The following FNDC9 variants were observed in gnomAD, a reference collection of about 807,000 sequenced individuals.
FNDC9 encodes fibronectin type III domain containing 9, also known as fibronectin type III domain-containing protein 9.
A neutral mutation model predicts 9.0 loss-of-function variants in FNDC9; 3 were observed. The observed-to-expected ratio is 0.33, with a 90% confidence interval of 0.15 to 0.86. The LOEUF is 0.86. Ranked by LOEUF, FNDC9 falls within the 40% of genes least tolerant of loss-of-function variation. The pLI is 0.53. For synonymous variants in FNDC9, 114 were observed against 115.6 expected, an observed-to-expected ratio of 0.99 and a Z score of 0.09; for missense variants, 279 against 287.2, an observed-to-expected ratio of 0.97 and a Z score of 0.21.
rs746587472 is a variant in FNDC9 at position 157,342,895 on chromosome 5, G to A, written c.642C>T (p.Asp214=). 1.2e-6 allele frequency: 2 copies of A among 1,613,734 alleles called. No individual in the cohort carries two copies. Among genetic ancestry groups the A allele is most frequent in the African/African-American group, 2.7e-5 (2 of 74,916 alleles). ...CACAATGAGGCAGTATAGCGGGTGG[G>A]TCACCACCCCCCCTCTGTAAGGCAC... is the stretch of plus-strand genomic sequence containing the variant. ...DAGALQRGGG[D]PPAILPHCGE The change falls in exon 2 of 2, where the codon GAC becomes GAT. Residue 214 remains aspartate (D), a synonymous_variant. Coordinates refer to ENST00000312349, the MANE Select transcript of FNDC9 (RefSeq NM_001001343.4).
intron 1 of FNDC9, among the ~76,000 whole-genome samples, chr5:157,343,964 C>T (rs763797719): frequency 1.3e-5 from 2 of 152,220 alleles, no homozygotes; most frequent in African/African-American, 2.4e-5. Context: ...TGATTCACCT[C>T]AATTTTCCTT....
rs758299441 is a variant in FNDC9, at chr5:157,343,073, GCCT to G, written c.461_463del (p.Glu154del). ...CTCTGGCCATCTCACCAACCCATTGGCCTCCTCCATGTGGCCAGCCCTGTAAGA... is the reference window on the plus strand; with the variant it reads ...CTCTGGCCATCTCACCAACCCATTGGCCTCCATGTGGCCAGCCCTGTAAGA... On this transcript the variant is annotated inframe_deletion, in exon 2 of 2. Transcript: ENST00000312349. 178 of 1,614,152 alleles carry G rather than the reference GCCT, an allele frequency of 1.1e-4. No homozygotes were observed. Among genetic ancestry groups the G allele is most frequent in the Non-Finnish European group, 1.4e-4 (169 of 1,180,012 alleles).
At position 157,343,500 on chromosome 5, in the gene FNDC9, C is replaced by A; in HGVS notation, c.37G>T (p.Ala13Ser). The change falls in exon 2 of 2, where the codon GCC becomes TCC. Residue 13 changes from alanine to serine, a missense_variant. Ala to Ser is a moderately conservative substitution (Grantham distance 99, BLOSUM62 1). Transcript: ENST00000312349. ...IEVGNISYTG[A>S]IISWSSSEPC... is the part of the protein sequence containing the mutation. ...TCCGAGGACGACCAGGAGATGATGGCTCCTGTATAAGAAATGTTCCCCACC... is the reference window on the plus strand; with the variant it reads ...TCCGAGGACGACCAGGAGATGATGGATCCTGTATAAGAAATGTTCCCCACC... The A allele has an allele frequency of 6.3e-7, 1 of 1,591,400 alleles. No homozygotes were observed.
chr5:157,342,558 T>G lies in FNDC9; in HGVS notation c.*304A>C. ...TGTGTTTTATTTGTCATGCAAATTT[T>G]TGCTTTCTACTTTATAACATATCCA... On this transcript the variant is annotated 3_prime_UTR_variant, in exon 2 of 2. Transcript: ENST00000312349. 1 of 273,066 alleles carries G rather than the reference T, an allele frequency of 3.7e-6. No homozygotes were observed. The highest frequency in any genetic ancestry group is 6.9e-6 in the Non-Finnish European group (1 of 144,940). 16.9% of individuals were successfully genotyped at this position (273,066 alleles called of 1,614,324 possible). A position where few individuals can be genotyped will look rare whatever the true frequency, so the allele number is the denominator to read the frequency against.
Position 157,343,499 on chromosome 5 carries a change from G to T in FNDC9, c.38C>A (p.Ala13Asp). 1 of 1,591,898 alleles carries T rather than the reference G, an allele frequency of 6.3e-7. No homozygotes were observed. Among genetic ancestry groups the T allele is most frequent in the Non-Finnish European group, 8.6e-7 (1 of 1,165,184 alleles). Residue 13 changes from alanine to aspartate, a missense_variant, in exon 2 of 2, where the codon GCC becomes GAC. Transcript: ENST00000312349. Reference sequence around the variant, plus strand: ...CTCCGAGGACGACCAGGAGATGATGGCTCCTGTATAAGAAATGTTCCCCAC... The same window carrying T: ...CTCCGAGGACGACCAGGAGATGATGTCTCCTGTATAAGAAATGTTCCCCAC... ...IEVGNISYTG[A>D]IISWSSSEPC...
Position 157,343,546 on chromosome 5 carries a change from G to A in FNDC9, c.-7-3C>T, listed in dbSNP as rs1320969390. The A allele has an allele frequency of 1.3e-6, 2 of 1,540,160 alleles. No homozygotes were observed. Among genetic ancestry groups the A allele is most frequent in the Non-Finnish European group, 1.8e-6 (2 of 1,140,638 alleles). On this transcript the variant is annotated splice_region_variant and splice_polypyrimidine_tract_variant and intron_variant, in intron 1 of 1. Coordinates refer to ENST00000312349, the MANE Select transcript of FNDC9 (RefSeq NM_001001343.4). ...CCACCTCGATGTTCATCCCGATTCT[G>A]GAACCAGAATCAAAGTGAAGAGTGA...
In FNDC9 at chr5:157,342,949, G is replaced by A. The variant is rs747827790; in HGVS notation, c.588C>T (p.Pro196=). 47 of 1,614,174 alleles carry A rather than the reference G, an allele frequency of 2.9e-5. 1 individual carries two copies. The highest frequency in any genetic ancestry group is 7.7e-5 in the South Asian group (7 of 91,080). The change falls in exon 2 of 2, where the codon CCC becomes CCT. Residue 196 remains proline (P), a synonymous_variant. Transcript: ENST00000312349. ...CATCAGGGGCATCCTGGTTGGCTTC[G>A]GGATCCAGTTCAGCTCCATCTCTGG... ...KNSRDGAELD[P]EANQDAPDAG...
In FNDC9 at chr5:157,343,130, C is replaced by T; in HGVS notation, c.407G>A (p.Trp136Ter). 1 of 1,614,186 alleles carries T rather than the reference C, an allele frequency of 6.2e-7. No homozygotes were observed. Residue 136 changes from tryptophan (W) to a stop codon, truncating the protein, a stop_gained, in exon 2 of 2, where the codon TGG becomes TAG. Coordinates refer to ENST00000312349, the MANE Select transcript of FNDC9 (RefSeq NM_001001343.4). LOFTEE classifies it low-confidence loss of function (END_TRUNC). Reference protein sequence around the residue: ...AVLAFICLQFWCVRCHEPRWS... With the variant: ...AVLAFICLQF Reference sequence around the variant, plus strand: ...TCGCGGCTCATGGCAACGGACACACCAGAACTGGAGGCAGATGAAGGCCAA... The same window carrying T: ...TCGCGGCTCATGGCAACGGACACACTAGAACTGGAGGCAGATGAAGGCCAA...
rs371405554 is a variant in FNDC9, at chr5:157,343,550, C to G, written c.-7-7G>C. 1.4e-5 allele frequency: 21 copies of G among 1,537,840 alleles called. No individual in the cohort carries two copies. The African/African-American group carries it at 2.3e-4, about 17-fold the overall frequency. On this transcript the variant is annotated splice_region_variant and splice_polypyrimidine_tract_variant and intron_variant, in intron 1 of 1. Coordinates refer to ENST00000312349, the MANE Select transcript of FNDC9 (RefSeq NM_001001343.4). ...CTCGATGTTCATCCCGATTCTGGAA[C>G]CAGAATCAAAGTGAAGAGTGACATC... is the stretch of plus-strand genomic sequence containing the variant.
chr5:157,342,927 C>T lies in FNDC9; in HGVS notation c.610G>A (p.Asp204Asn). The T allele has an allele frequency of 6.2e-7, 1 of 1,614,232 alleles. No individual in the cohort carries two copies. Among genetic ancestry groups the T allele is most frequent in the Non-Finnish European group, 8.5e-7 (1 of 1,180,034 alleles). Residue 204 changes from aspartate to asparagine, a missense_variant, in exon 2 of 2, where the codon GAT becomes AAT. Physicochemically the swap from Asp to Asn is conservative, Grantham distance 23. Transcript: ENST00000312349. ...CCCCCCCTCTGTAAGGCACCCGCAT[C>T]AGGGGCATCCTGGTTGGCTTCGGGA... is the stretch of plus-strand genomic sequence containing the variant. Reference protein sequence around the residue: ...LDPEANQDAPDAGALQRGGGD... With the variant: ...LDPEANQDAPNAGALQRGGGD...
In FNDC9 at chr5:157,342,669, C is replaced by T. The variant is rs1241962938; in HGVS notation, c.*193G>A. The T allele has an allele frequency of 5.5e-6, 3 of 543,106 alleles. No individual in the cohort carries two copies. The highest frequency in any genetic ancestry group is 9.5e-6 in the Non-Finnish European group (3 of 315,164). The allele number at this position is 543,106 out of a possible 1,614,324, so 33.6% of individuals were successfully genotyped here. On this transcript the variant is annotated 3_prime_UTR_variant, in exon 2 of 2. Coordinates refer to ENST00000312349, the MANE Select transcript of FNDC9 (RefSeq NM_001001343.4). The stretch of plus-strand genomic sequence containing the variant: ...TGCTGCTGAGATGCCTCGTTTGTGC[C>T]TTGGCATACCCTGGGGGATACATTT...
In FNDC9 at chr5:157,343,232, G is replaced by A. The variant is rs1762421369; in HGVS notation, c.305C>T (p.Pro102Leu). 1 of 1,614,114 alleles carries A rather than the reference G, an allele frequency of 6.2e-7. No individual in the cohort carries two copies. Among genetic ancestry groups the A allele is most frequent in the African/African-American group, 1.3e-5 (1 of 74,944 alleles). The change falls in exon 2 of 2, where the codon CCT becomes CTT. Residue 102 changes from proline to leucine, a missense_variant. Transcript: ENST00000312349. Reference sequence around the variant, plus strand: ...CTGGGGGTCTACCAGGGAGCTTCCAGGAGCCAGCGGACTCTTATCCAGGGT... The same window carrying A: ...CTGGGGGTCTACCAGGGAGCTTCCAAGAGCCAGCGGACTCTTATCCAGGGT... ...FHTLDKSPLA[P>L]GSSLVDPQIS...
rs10037485 is a variant in FNDC9, at chr5:157,343,125, C to T, written c.412G>A (p.Val138Ile). ...GACCATCGCGGCTCATGGCAACGGA[C>T]ACACCAGAACTGGAGGCAGATGAAG... ...LAFICLQFWC[V>I]RCHEPRWSYR... Residue 138 changes from valine to isoleucine, a missense_variant, in exon 2 of 2, where the codon GTC becomes ATC. Transcript: ENST00000312349. 0.21 allele frequency: 335,065 copies of T among 1,614,014 alleles called. 37,797 individuals carry two copies. Among genetic ancestry groups the T allele is most frequent in the African/African-American group, 0.36 (26,752 of 74,958 alleles).
In FNDC9 at chr5:157,342,745, A is replaced by G. The variant is rs1449979566; in HGVS notation, c.*117T>C. 6.7e-6 allele frequency: 7 copies of G among 1,048,006 alleles called. No homozygotes were observed. The highest frequency in any genetic ancestry group is 1.6e-5 in the African/African-American group (1 of 62,222). The allele number at this position is 1,048,006 out of a possible 1,614,324, so 64.9% of individuals were successfully genotyped here. A position where few individuals can be genotyped will look rare whatever the true frequency, so the allele number is the denominator to read the frequency against. On this transcript the variant is annotated 3_prime_UTR_variant, in exon 2 of 2. Transcript: ENST00000312349. ...GGCATTCATCCAACCCAGGTGACCT[A>G]CAATAGCAGTGACGTTTGATGGGAG...
Position 157,342,140 on chromosome 5 carries a change from T to C in FNDC9, c.*722A>G, listed in dbSNP as rs2113249233. 1 of 152,746 alleles carries C rather than the reference T, an allele frequency of 6.5e-6. No individual in the cohort carries two copies. The highest frequency in any genetic ancestry group is 1.5e-5 in the Non-Finnish European group (1 of 68,024). 9.5% of individuals were successfully genotyped at this position (152,746 alleles called of 1,614,324 possible). On this transcript the variant is annotated 3_prime_UTR_variant, in exon 2 of 2. Coordinates refer to ENST00000312349, the MANE Select transcript of FNDC9 (RefSeq NM_001001343.4). ...TCACTGGCAGGCAATAGAAGCTAAGTCAGATTATTTAATATTATCTTGTTT... is the reference window on the plus strand; with the variant it reads ...TCACTGGCAGGCAATAGAAGCTAAGCCAGATTATTTAATATTATCTTGTTT...
rs1257443464 is a variant in FNDC9, at chr5:157,341,850, C to CCAGAA, written c.*1007_*1011dup. 2.0e-5 allele frequency: 3 copies of CCAGAA among 152,170 alleles called. No homozygotes were observed. The highest frequency in any genetic ancestry group is 7.2e-5 in the African/African-American group (3 of 41,422). 9.4% of individuals were successfully genotyped at this position (152,170 alleles called of 1,614,324 possible). A position where few individuals can be genotyped will look rare whatever the true frequency, so the allele number is the denominator to read the frequency against. On this transcript the variant is annotated 3_prime_UTR_variant, in exon 2 of 2. Coordinates refer to ENST00000312349, the MANE Select transcript of FNDC9 (RefSeq NM_001001343.4). The stretch of plus-strand genomic sequence containing the variant: ...TGCTTGGAGAGTACAGGCGTCTTCT[C>CCAGAA]CAGAACAGCCTGCCTAGTCTGGTCA...
At position 157,342,916 on chromosome 5, in the gene FNDC9, G is replaced by A; in HGVS notation, c.621C>T (p.Ala207=). The part of the protein sequence containing the change: ...EANQDAPDAG[A]LQRGGGDPPA... Reference sequence around the variant, plus strand: ...GTGGGTCACCACCCCCCCTCTGTAAGGCACCCGCATCAGGGGCATCCTGGT... The same window carrying A: ...GTGGGTCACCACCCCCCCTCTGTAAAGCACCCGCATCAGGGGCATCCTGGT... Residue 207 remains alanine (A), a synonymous_variant, in exon 2 of 2, where the codon GCC becomes GCT. Coordinates refer to ENST00000312349, the MANE Select transcript of FNDC9 (RefSeq NM_001001343.4). 1 of 1,614,170 alleles carries A rather than the reference G, an allele frequency of 6.2e-7. No individual in the cohort carries two copies. The highest frequency in any genetic ancestry group is 2.2e-5 in the East Asian group (1 of 44,880).
Sources: allele counts gnomAD v4.1 joint callset (sites outside exome capture counted in the v4.1 genomes callset), GRCh38; gene constraint gnomAD v4.1.1; transcripts MANE v1.5; gene names NCBI Gene and HGNC (gene_info 2026-07-23, HGNC 2026-07-21).